The following SMC6 variants were observed in gnomAD, a reference collection of about 807,000 sequenced individuals.
SMC6 encodes structural maintenance of chromosomes 6.
A neutral mutation model predicts 142.2 loss-of-function variants in SMC6; 79 were observed. The observed-to-expected ratio is 0.56, with a 90% confidence interval of 0.46 to 0.67. The LOEUF is 0.67. Among genes scored for constraint, SMC6 ranks in the 30% least tolerant of loss-of-function variants. SMC6 has a pLI of 0.00. For synonymous variants in SMC6, 411 were observed against 412.4 expected (o/e 1.00, Z 0.04); for missense variants, 1,072 against 1,284.0 (o/e 0.83, Z 2.52).
chr2:17,676,668 T>C (rs2103491662), intron 25 of SMC6, among the ~76,000 whole-genome samples: 1 of 152,260 alleles, frequency 6.6e-6, no homozygotes, highest in South Asian at 2.1e-4. Flanking sequence ...TACTGAGTCT[T>C]CTGATCTAAC....
In SMC6 at chr2:17,753,786, C is replaced by T. The variant is rs934154483; in HGVS notation, c.-253G>A. On this transcript the variant is annotated 5_prime_UTR_variant, in exon 1 of 28. Coordinates refer to ENST00000448223, the MANE Select transcript of SMC6 (RefSeq NM_001142286.2). ...CAGGAGAAGGTAGATTCCCGGGAGCCCCGGCGCCCACCGCGGTACTAACCG... is the reference window on the plus strand; with the variant it reads ...CAGGAGAAGGTAGATTCCCGGGAGCTCCGGCGCCCACCGCGGTACTAACCG... 16 of 152,088 alleles carry T rather than the reference C, an allele frequency of 1.1e-4. No individual in the cohort carries two copies. The highest frequency in any genetic ancestry group is 3.3e-4 in the Admixed American group (5 of 15,280). The allele number at this position is 152,088 out of a possible 1,614,324, so 9.4% of individuals were successfully genotyped here.
intron 4 of SMC6, chr2:17,740,880 A>C (rs982584183): frequency 1.2e-5 from 3 of 248,506 alleles, no homozygotes; most frequent in South Asian, 3.4e-5. Context: ...AACAAAAAAA[A>C]CCCCAAACCA....
At chr2:17,670,399 A>G (rs1160561358) in intron 26 of SMC6, 24 bp downstream of exon 26, 1 of 1,588,308 alleles carries the variant, frequency 6.3e-7, no homozygotes, top group Non-Finnish European at 8.5e-7. Flanking sequence ...AAAATGAAAA[A>G]GAGAATTTAA....
At chr2:17,728,065 G>A (rs900868726) in intron 7 of SMC6, among the ~76,000 whole-genome samples, 7 of 152,182 alleles carry the variant, frequency 4.6e-5, no homozygotes, top group Admixed American at 1.3e-4. Flanking sequence ...CTTCACCGAA[G>A]TTTATATTCA....
intron 18 of SMC6, among the ~76,000 whole-genome samples, chr2:17,704,371 G>T (rs1668406107): frequency 6.6e-6 from 1 of 152,188 alleles, no homozygotes; most frequent in South Asian, 2.1e-4. Context: ...TGAAGGGGAA[G>T]AAGAGGACGA....
At chr2:17,713,507 A>G (rs1166811971) in intron 16 of SMC6, 2 of 470,958 alleles carry the variant, frequency 4.2e-6, no homozygotes, top group Admixed American at 4.7e-5. Flanking sequence ...AGTGCCAGGC[A>G]CTCTTCTTCA....
chr2:17,704,491 C>T (rs1192589080), intron 18 of SMC6, among the ~76,000 whole-genome samples: 1 of 152,190 alleles, frequency 6.6e-6, no homozygotes, highest in South Asian at 2.1e-4. Flanking sequence ...CCTCACTAAT[C>T]CAAGTATCTG....
At chr2:17,701,787 T>C in intron 20 of SMC6, 42 bp downstream of exon 20, 3 of 1,227,186 alleles carry the variant, frequency 2.4e-6, no homozygotes, top group Non-Finnish European at 3.5e-6. Flanking sequence ...ATGGTGGCTT[T>C]ACCCTTTAAT....
intron 26 of SMC6, among the ~76,000 whole-genome samples, chr2:17,669,107 A>G (rs561298642): frequency 1.3e-5 from 2 of 152,328 alleles, no homozygotes; most frequent in Admixed American, 1.3e-4. Flanking sequence ...GTCTTAAAGG[A>G]GAAGCGGACA....
chr2:17,705,566 T>C (rs963732421), intron 18 of SMC6, among the ~76,000 whole-genome samples: 2 of 151,946 alleles, frequency 1.3e-5, no homozygotes, highest in Non-Finnish European at 2.9e-5. Context: ...AGACCCTGTC[T>C]CAAAAAAACA....
At chr2:17,731,947 T>A (rs911660021) in intron 5 of SMC6, 70 bp from the exon 6 acceptor site, 2 of 1,476,290 alleles carry the variant, frequency 1.4e-6, no homozygotes, top group African/African-American at 2.8e-5. Context: ...TGCCACAGTT[T>A]TCAAATTTTT....
At chr2:17,708,141 A>G (rs1210122793) in intron 17 of SMC6, among the ~76,000 whole-genome samples, 2 of 152,084 alleles carry the variant, frequency 1.3e-5, no homozygotes, top group African/African-American at 4.8e-5. Flanking sequence ...CCTTCTCAGC[A>G]AATTTATGCC....
At chr2:17,703,537 C>T (rs1319366112) in intron 18 of SMC6, among the ~76,000 whole-genome samples, 2 of 151,866 alleles carry the variant, frequency 1.3e-5, no homozygotes, top group Non-Finnish European at 2.9e-5. Flanking sequence ...GACTCTTGAA[C>T]AATGCAGGGT....
intron 3 of SMC6, among the ~76,000 whole-genome samples, chr2:17,743,247 A>G (rs1416850689): frequency 2.0e-5 from 3 of 152,152 alleles, no homozygotes; most frequent in African/African-American, 7.2e-5. Flanking sequence ...TTAAATTTAC[A>G]TATCATTTTG....
At chr2:17,728,566 G>A (rs1258968789) in intron 7 of SMC6, among the ~76,000 whole-genome samples, 2 of 151,996 alleles carry the variant, frequency 1.3e-5, no homozygotes, top group Admixed American at 1.3e-4. Context: ...AAAGAATGTT[G>A]TAGCTTTATC....
At chr2:17,729,510 G>A (rs1669805987) in intron 7 of SMC6, among the ~76,000 whole-genome samples, 1 of 152,158 alleles carries the variant, frequency 6.6e-6, no homozygotes, top group Non-Finnish European at 1.5e-5. Flanking sequence ...CTTGGACAGA[G>A]GTGATTACCC....
chr2:17,708,849 T>C (rs773154855), intron 16 of SMC6, 96 bp from the exon 17 acceptor site: 14 of 333,686 alleles, frequency 4.2e-5, no homozygotes, highest in Non-Finnish European at 6.7e-5. Context: ...AGTATATATA[T>C]TTCCATATAT....
intron 16 of SMC6, among the ~76,000 whole-genome samples, chr2:17,709,408 C>T (rs1255451897): frequency 1.3e-5 from 2 of 151,984 alleles, no homozygotes; most frequent in African/African-American, 4.8e-5. Context: ...AATCTTTCAA[C>T]TAAAATGTAA....
chr2:17,708,826 A>G (rs554241854), intron 16 of SMC6, 73 bp from the exon 17 acceptor site: 21 of 414,538 alleles, frequency 5.1e-5, no homozygotes, highest in South Asian at 5.0e-4. Context: ...AAAATTGTGT[A>G]TATATATATA....
Sources: allele counts gnomAD v4.1 joint callset (sites outside exome capture counted in the v4.1 genomes callset), GRCh38; gene constraint gnomAD v4.1.1; transcripts MANE v1.5; gene names NCBI Gene and HGNC (gene_info 2026-07-23, HGNC 2026-07-21).